KLHL2: variants seen among roughly 807,000 people sequenced by gnomAD.
The protein encoded by KLHL2 is kelch like family member 2.
KLHL2 carries 15 observed loss-of-function variants against 75.8 expected under a neutral mutation model. That is an observed-to-expected ratio of 0.20 (90% CI 0.13 to 0.30). The LOEUF is 0.30. Among genes scored for constraint, KLHL2 ranks in the 10% least tolerant of loss-of-function variants. The probability of loss-of-function intolerance (pLI) is 1.00; values close to 1 mark genes in which losing one functional copy is unlikely to be tolerated. For missense variants in KLHL2, 381 were observed against 741.0 expected, an observed-to-expected ratio of 0.51 and a Z score of 5.64; for synonymous variants, 214 against 251.9, an observed-to-expected ratio of 0.85 and a Z score of 1.42.
chr4:165,267,894 T>C (rs1742362799), intron 5 of KLHL2, among the ~76,000 whole-genome samples: 1 of 152,206 alleles, frequency 6.6e-6, no homozygotes, highest in Admixed American at 6.5e-5. Context: ...TGGTATCAGC[T>C]CCTCTTTGTA....
intron 1 of KLHL2, among the ~76,000 whole-genome samples, chr4:165,218,901 G>A (rs1247032854): frequency 6.6e-6 from 1 of 152,112 alleles, no homozygotes; most frequent in Non-Finnish European, 1.5e-5. Context: ...AAAAATTGGT[G>A]CCCTGATTTT....
chr4:165,266,395 C>T (rs561934033), intron 5 of KLHL2, among the ~76,000 whole-genome samples: 2 of 152,250 alleles, frequency 1.3e-5, no homozygotes, highest in East Asian at 3.9e-4. Context: ...TGTCTTTGCC[C>T]ATGCCTATGT....
rs1318961117 is a variant in KLHL2 at position 165,251,432 on chromosome 4, A to G, written c.382-11765A>G. 2.6e-5 allele frequency among the ~76,000 whole-genome samples: 4 copies of G among 152,282 alleles called. No individual in the cohort carries two copies. In the South Asian group the frequency reaches 6.2e-4, roughly 24 times the overall value. On this transcript the variant is annotated intron_variant, in intron 4 of 14. Coordinates refer to ENST00000226725, the MANE Select transcript of KLHL2 (RefSeq NM_007246.4). ...AAATATTAGACCAACTAGAACATCCATTCTCCATTCTAGTTAAATTATTTT... is the reference window on the plus strand; with the variant it reads ...AAATATTAGACCAACTAGAACATCCGTTCTCCATTCTAGTTAAATTATTTT...
chr4:165,226,744 ATTTAT>A (rs1427992288), intron 2 of KLHL2, among the ~76,000 whole-genome samples: 1 of 152,058 alleles, frequency 6.6e-6, no homozygotes, highest in Non-Finnish European at 1.5e-5. Context: ...ATTATTTATT[ATTTAT>A]TTATTATTTC....
At chr4:165,226,357 C>T (rs1024412743) in intron 2 of KLHL2, among the ~76,000 whole-genome samples, 6 of 152,146 alleles carry the variant, frequency 3.9e-5, no homozygotes, top group Non-Finnish European at 8.8e-5. Context: ...ATCATGTTCT[C>T]TTTGGGATTC....
chr4:165,231,787 A>G (rs1397631063), intron 3 of KLHL2, among the ~76,000 whole-genome samples: 1 of 152,150 alleles, frequency 6.6e-6, no homozygotes, highest in Non-Finnish European at 1.5e-5. Context: ...TAGGAGTGTA[A>G]TTGCCGGGTC....
chr4:165,313,476 G>C (rs1344357037), intron 12 of KLHL2, 110 bp downstream of exon 12: 1 of 935,830 alleles, frequency 1.1e-6, no homozygotes, highest in Non-Finnish European at 1.5e-6. Context: ...ATGATATGCT[G>C]ATTTTAGTGG....
intron 1 of KLHL2, among the ~76,000 whole-genome samples, chr4:165,213,059 C>T (rs1341768198): frequency 6.6e-6 from 1 of 152,198 alleles, no homozygotes; most frequent in Non-Finnish European, 1.5e-5. Flanking sequence ...ATGGGATAAC[C>T]ATTCTTCTGG....
At chr4:165,246,922 A>G (rs571134120) in intron 4 of KLHL2, among the ~76,000 whole-genome samples, 3 of 152,264 alleles carry the variant, frequency 2.0e-5, no homozygotes, top group Admixed American at 6.5e-5. Flanking sequence ...AGCCAAAGAC[A>G]TAATCTGGGG....
chr4:165,242,176 TTTG>T lies in KLHL2; in HGVS notation c.381+3287_381+3289del, dbSNP rs562844344. On this transcript the variant is annotated intron_variant, in intron 4 of 14. Transcript: ENST00000226725. The stretch of plus-strand genomic sequence containing the variant: ...ATGACTACACTTGTAATTCAACTTT[TTTG>T]TTGTTGTTGCTGTTGAGTGAATTAA... Among the ~76,000 whole-genome samples the T allele has an allele frequency of 1.4e-3, 209 of 152,288 alleles. 1 individual carries two copies. The highest frequency in any genetic ancestry group is 0.012 in the Admixed American group (184 of 15,300).
At position 165,210,184 on chromosome 4, in the gene KLHL2, A is replaced by G. The variant is rs1011667217; in HGVS notation, c.26+2282A>G. On this transcript the variant is annotated intron_variant, in intron 1 of 14. Transcript: ENST00000226725. Reference sequence around the variant, plus strand: ...CACGGCCCCAGATTCTCTTTGTGTAAGTGTCTGTTTATTAATTCATTCAAT... The same window carrying G: ...CACGGCCCCAGATTCTCTTTGTGTAGGTGTCTGTTTATTAATTCATTCAAT... 6 of 1,551,424 alleles carry G rather than the reference A, an allele frequency of 3.9e-6. No individual in the cohort carries two copies. In the African/African-American group the frequency reaches 6.8e-5, roughly 18 times the overall value.
At chr4:165,264,621 C>T (rs1342408736) in intron 5 of KLHL2, among the ~76,000 whole-genome samples, 6 of 134,172 alleles carry the variant, frequency 4.5e-5, no homozygotes, top group African/African-American at 8.5e-5. Flanking sequence ...CACACACGTA[C>T]GTATATACAC....
intron 4 of KLHL2, among the ~76,000 whole-genome samples, chr4:165,260,566 ATG>A (rs147601318): frequency 6.7e-6 from 1 of 149,982 alleles, no homozygotes. Context: ...ACACACATAT[ATG>A]TGTGTGTGTG....
chr4:165,215,858 G>A (rs1462047184), intron 1 of KLHL2, among the ~76,000 whole-genome samples: 10 of 151,670 alleles, frequency 6.6e-5, no homozygotes, highest in Admixed American at 1.3e-4. Flanking sequence ...TAAAAATCAC[G>A]CATTGCTGGC....
intron 2 of KLHL2, among the ~76,000 whole-genome samples, chr4:165,226,852 G>T (rs1461369783): frequency 6.6e-6 from 1 of 152,138 alleles, no homozygotes; most frequent in Admixed American, 6.5e-5. Context: ...TCAGCCTGTG[G>T]ATTCGAATCC....
At chr4:165,243,293 A>C (rs545030344) in intron 4 of KLHL2, among the ~76,000 whole-genome samples, 1 of 152,352 alleles carries the variant, frequency 6.6e-6, no homozygotes, top group South Asian at 2.1e-4. Context: ...GCTTCCTAAA[A>C]GTAGGTAAGA....
At chr4:165,312,154 C>T (rs1746254134) in intron 11 of KLHL2, among the ~76,000 whole-genome samples, 1 of 152,086 alleles carries the variant, frequency 6.6e-6, no homozygotes, top group African/African-American at 2.4e-5. Flanking sequence ...AGCTGTAATA[C>T]TTGCTCACCT....
At position 165,322,120 on chromosome 4, in the gene KLHL2, G is replaced by C. The variant is rs1002557424; in HGVS notation, c.*60G>C. The C allele has an allele frequency of 2.1e-6, 3 of 1,458,064 alleles. No individual in the cohort carries two copies. Among genetic ancestry groups the C allele is most frequent in the Non-Finnish European group, 2.9e-6 (3 of 1,038,476 alleles). 90.3% of individuals were successfully genotyped at this position (1,458,064 alleles called of 1,614,324 possible). A position where few individuals can be genotyped will look rare whatever the true frequency, so the allele number is the denominator to read the frequency against. On this transcript the variant is annotated 3_prime_UTR_variant, in exon 15 of 15. Coordinates refer to ENST00000226725, the MANE Select transcript of KLHL2 (RefSeq NM_007246.4). ...GAAACAGCCTTCAACAAGTATTTGT[G>C]AAGTGACTGAGAATCTAGCACTTCT...
At chr4:165,265,501 G>A (rs185562569) in intron 5 of KLHL2, among the ~76,000 whole-genome samples, 2,576 of 152,026 alleles carry the variant, frequency 0.017, 25 homozygotes, top group Non-Finnish European at 0.026. Context: ...GAATTTTGAT[G>A]GTTTCAGGTC....
Sources: gnomAD v4.1 joint callset for allele counts (sites outside exome capture counted in the v4.1 genomes callset) on GRCh38, gnomAD v4.1.1 for gene constraint, MANE v1.5 for transcripts, NCBI Gene and HGNC (gene_info 2026-07-23, HGNC 2026-07-21) for gene names.